Variants in CNTN5 observed in about 807,000 individuals in gnomAD.
CNTN5 encodes the protein contactin-5.
A neutral mutation model predicts 129.1 loss-of-function variants in CNTN5; 77 were observed. The ratio of observed to expected loss-of-function variants is 0.60; its 90% CI spans 0.50 to 0.72. The LOEUF is 0.72. CNTN5 is among the 30% of genes least tolerant of loss of function. The probability of loss-of-function intolerance (pLI) is 0.00; values close to 1 mark genes in which losing one functional copy is unlikely to be tolerated. For synonymous variants in CNTN5, 509 were observed against 465.6 expected (o/e 1.09, Z -1.20); for missense variants, 1,478 against 1,328.8 (o/e 1.11, Z -1.75).
chr11:99,162,143 G>T (rs905369638), intron 1 of CNTN5, among the ~76,000 whole-genome samples: 10 of 152,052 alleles, frequency 6.6e-5, no homozygotes, highest in Non-Finnish European at 7.4e-5. Flanking sequence ...GCGTGGCATG[G>T]TTGATCTAAA....
At chr11:99,489,623 G>A (rs538830428) in intron 2 of CNTN5, among the ~76,000 whole-genome samples, 1 of 152,154 alleles carries the variant, frequency 6.6e-6, no homozygotes, top group African/African-American at 2.4e-5. Context: ...AAATTATAGA[G>A]TCTATGTATT....
chr11:99,582,762 G>C (rs957904689), intron 3 of CNTN5, among the ~76,000 whole-genome samples: 1 of 151,986 alleles, frequency 6.6e-6, no homozygotes, highest in African/African-American at 2.4e-5. Context: ...CTTTGCCATT[G>C]GTTCAGACTT....
At position 99,250,557 on chromosome 11, in the gene CNTN5, T is replaced by C. The variant is rs375751241; in HGVS notation, c.-209-74789T>C. Among the ~76,000 whole-genome samples, 21 of 152,090 alleles carry C rather than the reference T, an allele frequency of 1.4e-4. No homozygotes were observed. In the East Asian group the frequency reaches 3.1e-3, roughly 22 times the overall value. On this transcript the variant is annotated intron_variant, in intron 1 of 24. Transcript: ENST00000524871. ...CTAAGGAAATGCAAGATATTTGCTT[T>C]TGTATTTTAAATTCATGCTGAATTT...
At position 100,341,101 on chromosome 11, in the gene CNTN5, CA is replaced by C; in HGVS notation, c.2928del (p.Ala977HisfsTer24). On this transcript the variant is annotated frameshift_variant, in exon 23 of 25. Coordinates refer to ENST00000524871, the MANE Select transcript of CNTN5 (RefSeq NM_014361.4). LOFTEE classifies it high-confidence loss of function. Reference sequence around the variant, plus strand: ...CACTTTTTATTTTGCAGCTCCTAGTCAAGCACCTAGCAACCTCAGGTGGGAG... The same window carrying C: ...CACTTTTTATTTTGCAGCTCCTAGTCAGCACCTAGCAACCTCAGGTGGGAG... The part of the protein sequence containing the change: ...SATTKKSPPS[Q>X]APSNLRWEQQ... The C allele has an allele frequency of 6.2e-7, 1 of 1,612,502 alleles. No homozygotes were observed. The highest frequency in any genetic ancestry group is 8.5e-7 in the Non-Finnish European group (1 of 1,178,580).
intron 3 of CNTN5, among the ~76,000 whole-genome samples, chr11:99,781,540 G>T (rs1051393175): frequency 1.8e-4 from 28 of 151,880 alleles, no homozygotes; most frequent in African/African-American, 6.8e-4. Context: ...GCATTGCCTT[G>T]TATTTTAGTG....
At chr11:99,220,880 T>A (rs1860365352) in intron 1 of CNTN5, among the ~76,000 whole-genome samples, 1 of 150,092 alleles carries the variant, frequency 6.7e-6, no homozygotes, top group South Asian at 2.1e-4. Flanking sequence ...AACAATGATT[T>A]AAAAAAAAAA....
intron 8 of CNTN5, among the ~76,000 whole-genome samples, chr11:99,981,775 G>A (rs1938363611): frequency 6.6e-6 from 1 of 152,106 alleles, no homozygotes; most frequent in African/African-American, 2.4e-5. Flanking sequence ...TATGCCATAA[G>A]TATAATCAAT....
At chr11:99,337,348 C>G (rs183554432) in intron 2 of CNTN5, among the ~76,000 whole-genome samples, 4 of 152,148 alleles carry the variant, frequency 2.6e-5, no homozygotes, top group Non-Finnish European at 4.4e-5. Context: ...ATCTCACAGC[C>G]TTCAGAGCTG....
intron 2 of CNTN5, among the ~76,000 whole-genome samples, chr11:99,388,982 CTTATTTTAT>C (rs1555129824): frequency 1.7e-5 from 2 of 120,380 alleles, no homozygotes; most frequent in African/African-American, 6.2e-5. Context: ...TTCTCCAGTC[CTTATTTTAT>C]TTTATTTTAT....
chr11:99,722,599 C>T (rs562773275), intron 3 of CNTN5, among the ~76,000 whole-genome samples: 30 of 152,076 alleles, frequency 2.0e-4, no homozygotes, highest in Admixed American at 3.9e-4. Flanking sequence ...CCTATATAAC[C>T]TTCACATGTA....
chr11:99,261,667 C>T (rs1263876480), intron 1 of CNTN5, among the ~76,000 whole-genome samples: 1 of 151,996 alleles, frequency 6.6e-6, no homozygotes, highest in Non-Finnish European at 1.5e-5. Flanking sequence ...ACACATTTGT[C>T]AGTTTTGTGG....
At chr11:99,644,496 A>G (rs545339188) in intron 3 of CNTN5, among the ~76,000 whole-genome samples, 2 of 152,192 alleles carry the variant, frequency 1.3e-5, no homozygotes, top group East Asian at 3.9e-4. Context: ...ATAGGATTTC[A>G]AATGGGCAAA....
chr11:100,135,674 A>T (rs369878902), intron 13 of CNTN5, among the ~76,000 whole-genome samples: 1 of 152,156 alleles, frequency 6.6e-6, no homozygotes, highest in Non-Finnish European at 1.5e-5. Flanking sequence ...TTACACAAAG[A>T]GTAAAATCAC....
intron 1 of CNTN5, among the ~76,000 whole-genome samples, chr11:99,285,660 T>C (rs1863904984): frequency 6.6e-6 from 1 of 150,576 alleles, no homozygotes; most frequent in Admixed American, 6.6e-5. Context: ...ATGTAAACAA[T>C]AGCAGTAGTC....
chr11:99,926,041 C>G (rs1950054757), intron 7 of CNTN5, among the ~76,000 whole-genome samples: 2 of 152,124 alleles, frequency 1.3e-5, no homozygotes, highest in South Asian at 4.1e-4. Flanking sequence ...ATAATAAAAG[C>G]TACCTCACAG....
At chr11:99,831,567 G>T (rs561154413) in intron 4 of CNTN5, among the ~76,000 whole-genome samples, 54 of 152,172 alleles carry the variant, frequency 3.5e-4, no homozygotes, top group African/African-American at 1.3e-3. Context: ...CCAAGATTCA[G>T]AAAGCTATAG....
At chr11:99,158,078 C>T (rs7950647) in intron 1 of CNTN5, among the ~76,000 whole-genome samples, 1 of 152,126 alleles carries the variant, frequency 6.6e-6, no homozygotes, top group Non-Finnish European at 1.5e-5. Context: ...TGACTAGGCA[C>T]GGAATTGAAC....
intron 6 of CNTN5, among the ~76,000 whole-genome samples, chr11:99,878,818 G>C (rs1004885357): frequency 5.9e-5 from 9 of 152,076 alleles, no homozygotes; most frequent in Non-Finnish European, 1.3e-4. Flanking sequence ...TTGGGCCAAT[G>C]CACTCCAGCC....
At chr11:99,339,033 T>A (rs916124634) in intron 2 of CNTN5, among the ~76,000 whole-genome samples, 1 of 147,006 alleles carries the variant, frequency 6.8e-6, no homozygotes, top group Non-Finnish European at 1.5e-5. Flanking sequence ...TAGCCATGAA[T>A]CATTTTATTA....
Sources: allele counts gnomAD v4.1 joint callset (sites outside exome capture counted in the v4.1 genomes callset), GRCh38; gene constraint gnomAD v4.1.1; transcripts MANE v1.5; gene names NCBI Gene and HGNC (gene_info 2026-07-23, HGNC 2026-07-21).